ADAMTS19: variants seen among roughly 807,000 people sequenced by gnomAD.
The protein encoded by ADAMTS19 is ADAM metallopeptidase with thrombospondin type 1 motif 19.
Under a neutral mutation model 153.3 loss-of-function variants are expected in ADAMTS19, and 93 were observed. The observed-to-expected ratio is 0.61, with a 90% CI of 0.51 to 0.72. The LOEUF is 0.72. Among genes scored for constraint, ADAMTS19 ranks in the 30% least tolerant of loss-of-function variants. The probability of loss-of-function intolerance (pLI) is 0.00; values close to 1 mark genes in which losing one functional copy is unlikely to be tolerated. For missense variants in ADAMTS19, 1,482 were observed against 1,552.1 expected (o/e 0.95, Z 0.76); for synonymous variants, 600 against 556.6 (o/e 1.08, Z -1.10).
chr5:129,727,724 A>C (rs1047977505), intron 21 of ADAMTS19, among the ~76,000 whole-genome samples: 9 of 152,162 alleles, frequency 5.9e-5, no homozygotes, highest in African/African-American at 2.2e-4. Context: ...TTCATGTGAG[A>C]TATTAAAATA....
intron 4 of ADAMTS19, chr5:129,526,657 C>T (rs974091765): frequency 8.1e-6 from 4 of 496,044 alleles, no homozygotes; most frequent in Non-Finnish European, 1.4e-5. Flanking sequence ...TCTTGTAAAC[C>T]CTTGTTAATT....
chr5:129,584,208 G>T (rs1749671031), intron 7 of ADAMTS19, among the ~76,000 whole-genome samples: 1 of 152,108 alleles, frequency 6.6e-6, no homozygotes, highest in Admixed American at 6.5e-5. Flanking sequence ...CTGTTTGCCT[G>T]GGTATCACCA....
rs1581223943 is a variant in ADAMTS19 at position 129,684,164 on chromosome 5, C to T, written c.2709C>T (p.Tyr903=). The part of the protein sequence containing the change: ...QDQNYGLHYE[Y]TIPSDPLPEN... Reference sequence around the variant, plus strand: ...AGAATTATGGTCTTCACTATGAATACACTATCCCATCAGACCCTCTTCCAG... The same window carrying T: ...AGAATTATGGTCTTCACTATGAATATACTATCCCATCAGACCCTCTTCCAG... The change falls in exon 18 of 23, where the codon TAC becomes TAT. Residue 903 remains tyrosine, a synonymous_variant. Coordinates refer to ENST00000274487, the MANE Select transcript of ADAMTS19 (RefSeq NM_133638.6). 3.1e-6 allele frequency: 5 copies of T among 1,614,124 alleles called. No homozygotes were observed. The highest frequency in any genetic ancestry group is 4.2e-6 in the Non-Finnish European group (5 of 1,180,018).
At chr5:129,537,876 T>C (rs1752509411) in intron 6 of ADAMTS19, among the ~76,000 whole-genome samples, 1 of 151,888 alleles carries the variant, frequency 6.6e-6, no homozygotes, top group African/African-American at 2.4e-5. Context: ...TGTATATGTA[T>C]GCAAACCTGC....
intron 6 of ADAMTS19, among the ~76,000 whole-genome samples, chr5:129,542,524 C>T (rs1752692006): frequency 6.6e-6 from 1 of 152,102 alleles, no homozygotes; most frequent in Admixed American, 6.6e-5. Flanking sequence ...TTGTCTTGCC[C>T]AGACTTACAA....
chr5:129,481,067 C>T (rs1180594696), intron 2 of ADAMTS19, among the ~76,000 whole-genome samples: 1 of 151,940 alleles, frequency 6.6e-6, no homozygotes, highest in Admixed American at 6.6e-5. Flanking sequence ...AGCCTTTTAC[C>T]CCTGTATTAG....
intron 2 of ADAMTS19, among the ~76,000 whole-genome samples, chr5:129,470,188 A>C (rs1444296548): frequency 2.0e-5 from 3 of 152,206 alleles, no homozygotes; most frequent in Non-Finnish European, 4.4e-5. Context: ...TATTCTTTTA[A>C]ATAACAAAAT....
chr5:129,720,248 T>A (rs1265753200), intron 21 of ADAMTS19, among the ~76,000 whole-genome samples: 1 of 150,832 alleles, frequency 6.6e-6, no homozygotes, highest in Non-Finnish European at 1.5e-5. Context: ...CTTGGCTCAC[T>A]GCAACCTCCG....
chr5:129,542,182 T>G (rs759339872), intron 6 of ADAMTS19, among the ~76,000 whole-genome samples: 1 of 152,128 alleles, frequency 6.6e-6, no homozygotes, highest in Non-Finnish European at 1.5e-5. Context: ...TCAGGAAAGA[T>G]AGCAAAGAGG....
At chr5:129,565,714 A>C (rs6893160) in intron 7 of ADAMTS19, among the ~76,000 whole-genome samples, 127,128 of 152,090 alleles carry the variant, frequency 0.84, 53,382 homozygotes, top group Non-Finnish European at 0.88. Context: ...CCAACATTTT[A>C]TCTTTTTCTA....
rs536424334 is a variant in ADAMTS19 at position 129,648,832 on chromosome 5, A to T, written c.2038A>T (p.Arg680Ter). The T allele has an allele frequency of 1.2e-6, 2 of 1,613,962 alleles. No homozygotes were observed. Among genetic ancestry groups the T allele is most frequent in the South Asian group, 2.2e-5 (2 of 91,032 alleles). The change falls in exon 13 of 23, where the codon AGA (arginine) becomes TGA (stop). Residue 680 changes from arginine to a stop codon, truncating the protein, a stop_gained. Transcript: ENST00000274487. LOFTEE classifies it high-confidence loss of function. ...TGAAGCAAGGGATTGTAATGGTCCC[A>T]GAAAACAATACAGAATATGTGAGAA... ...DSEARDCNGPRKQYRICENPP... is the reference protein window; with the variant it reads ...DSEARDCNGP
chr5:129,499,741 A>G lies in ADAMTS19; in HGVS notation c.748-9336A>G, dbSNP rs1751038446. Reference sequence around the variant, plus strand: ...AGATGGTTTAAAAAACAAAGGGGACATTCATCAGGGATTGTTTTTGAATAT... The same window carrying G: ...AGATGGTTTAAAAAACAAAGGGGACGTTCATCAGGGATTGTTTTTGAATAT... On this transcript the variant is annotated intron_variant, in intron 2 of 22. Coordinates refer to ENST00000274487, the MANE Select transcript of ADAMTS19 (RefSeq NM_133638.6). 2.0e-5 allele frequency among the ~76,000 whole-genome samples: 3 copies of G among 152,134 alleles called. No individual in the cohort carries two copies. In the South Asian group the frequency reaches 6.2e-4, roughly 32 times the overall value.
intron 3 of ADAMTS19, among the ~76,000 whole-genome samples, chr5:129,521,907 T>C (rs1581033654): frequency 6.6e-6 from 1 of 152,106 alleles, no homozygotes; most frequent in East Asian, 1.9e-4. Flanking sequence ...TGAATACTGA[T>C]AGACAATTAA....
chr5:129,614,086 C>T (rs1194196206), intron 8 of ADAMTS19, among the ~76,000 whole-genome samples: 1 of 152,142 alleles, frequency 6.6e-6, no homozygotes, highest in Non-Finnish European at 1.5e-5. Context: ...GACGGATTCA[C>T]AGCAGAATTC....
At chr5:129,534,830 T>A (rs1752354749) in intron 6 of ADAMTS19, among the ~76,000 whole-genome samples, 1 of 152,192 alleles carries the variant, frequency 6.6e-6, no homozygotes, top group African/African-American at 2.4e-5. Flanking sequence ...AACCACATGA[T>A]TATCTCAATA....
At chr5:129,531,403 C>A (rs1752198342) in intron 6 of ADAMTS19, among the ~76,000 whole-genome samples, 1 of 152,108 alleles carries the variant, frequency 6.6e-6, no homozygotes, top group Non-Finnish European at 1.5e-5. Context: ...GGTGGGCAGA[C>A]TGCCTGAGGC....
intron 7 of ADAMTS19, among the ~76,000 whole-genome samples, chr5:129,574,242 T>A (rs972716541): frequency 6.6e-6 from 1 of 152,072 alleles, no homozygotes; most frequent in East Asian, 1.9e-4. Context: ...ATTCTACCGG[T>A]GGGAAAACTG....
In ADAMTS19 at chr5:129,614,309, C is replaced by G. The variant is rs1294745982; in HGVS notation, c.1479-6309C>G. On this transcript the variant is annotated intron_variant, in intron 8 of 22. Coordinates refer to ENST00000274487, the MANE Select transcript of ADAMTS19 (RefSeq NM_133638.6). ...CAATAAAATACTGGCAAACTGAATG[C>G]AGCAGCACATCAAAAAGCTTATCCA... Among the ~76,000 whole-genome samples the G allele has an allele frequency of 4.6e-5, 7 of 152,250 alleles. No individual in the cohort carries two copies. In the South Asian group the frequency reaches 1.5e-3, roughly 32 times the overall value.
chr5:129,510,437 C>G (rs970042106), intron 3 of ADAMTS19, among the ~76,000 whole-genome samples: 2 of 151,868 alleles, frequency 1.3e-5, no homozygotes, highest in African/African-American at 4.8e-5. Flanking sequence ...CTCTCCACGT[C>G]ACAGTATTCC....
Sources: gnomAD v4.1 joint callset for allele counts (sites outside exome capture counted in the v4.1 genomes callset) on GRCh38, gnomAD v4.1.1 for gene constraint, MANE v1.5 for transcripts, NCBI Gene and HGNC (gene_info 2026-07-23, HGNC 2026-07-21) for gene names.